The following MBOAT1 variants were observed in gnomAD, a reference collection of about 807,000 sequenced individuals.
The protein encoded by MBOAT1 is membrane-bound glycerophospholipid O-acyltransferase 1.
Under a neutral mutation model 64.4 loss-of-function variants are expected in MBOAT1, and 67 were observed. That is an observed-to-expected ratio of 1.04 (90% CI 0.85 to 1.27). The LOEUF is 1.27. MBOAT1 is among the 50% of genes most tolerant of loss of function. The pLI is 0.00. For synonymous variants in MBOAT1, 229 were observed against 218.9 expected, an observed-to-expected ratio of 1.05 and a Z score of -0.41; for missense variants, 563 against 604.6, an observed-to-expected ratio of 0.93 and a Z score of 0.72.
Position 20,102,270 on chromosome 6 carries a change from G to A in MBOAT1, c.*16C>T, listed in dbSNP as rs751076430. ...AACGTTCTGCAGTTTTGCTTGTTCC[G>A]CTTCTCTTGGAGGTATCAATCTGTT... On this transcript the variant is annotated 3_prime_UTR_variant, in exon 13 of 13. Coordinates refer to ENST00000324607, the MANE Select transcript of MBOAT1 (RefSeq NM_001080480.3). 8.7e-6 allele frequency: 14 copies of A among 1,609,276 alleles called. No individual in the cohort carries two copies. Among genetic ancestry groups the A allele is most frequent in the East Asian group, 2.2e-5 (1 of 44,768 alleles).
chr6:20,164,904 C>A lies in MBOAT1; in HGVS notation c.100-12135G>T, dbSNP rs572498721. Among the ~76,000 whole-genome samples, 396 of 152,270 alleles carry A rather than the reference C, an allele frequency of 2.6e-3. 1 individual carries two copies. Among genetic ancestry groups the A allele is most frequent in the Non-Finnish European group, 4.1e-3 (280 of 68,030 alleles). ...GTTTCACTCTCAGTACAGTATTCAA[C>A]AAATTACATGAGATACTCAACACTT... On this transcript the variant is annotated intron_variant, in intron 1 of 12. Transcript: ENST00000324607.
chr6:20,129,619 T>G (rs540622786), intron 5 of MBOAT1, among the ~76,000 whole-genome samples: 3 of 150,410 alleles, frequency 2.0e-5, no homozygotes, highest in Non-Finnish European at 4.4e-5. Context: ...CCAGGAAATA[T>G]GGTAAACTGA....
intron 1 of MBOAT1, among the ~76,000 whole-genome samples, chr6:20,186,044 A>T (rs1316278725): frequency 6.6e-6 from 1 of 152,154 alleles, no homozygotes; most frequent in Non-Finnish European, 1.5e-5. Context: ...TTAGCCCAGC[A>T]TGGTGGTGTA....
At position 20,144,357 on chromosome 6, in the gene MBOAT1, A is replaced by G. The variant is rs186909975; in HGVS notation, c.324-42T>C. The G allele has an allele frequency of 3.8e-4, 457 of 1,202,480 alleles. 3 individuals are homozygous for G. The African/African-American group carries it at 5.2e-3, about 14-fold the overall frequency. 74.5% of individuals were successfully genotyped at this position (1,202,480 alleles called of 1,614,324 possible). On this transcript the variant is annotated intron_variant, in intron 3 of 12. Transcript: ENST00000324607. ...AGATGATCAGATTATTATGCATAGC[A>G]ATAATGCACTCAATTAATGTTCCCC...
chr6:20,156,671 C>A lies in MBOAT1; in HGVS notation c.100-3902G>T, dbSNP rs180883296. Among the ~76,000 whole-genome samples, 65 of 152,280 alleles carry A rather than the reference C, an allele frequency of 4.3e-4. No homozygotes were observed. The East Asian group carries it at 9.8e-3, about 23-fold the overall frequency. On this transcript the variant is annotated intron_variant, in intron 1 of 12. Transcript: ENST00000324607. The stretch of plus-strand genomic sequence containing the variant: ...AACCAAACAGAAAATAGTAAGTATT[C>A]ACAGAGATGTGAAAACATTTGAACC...
At chr6:20,177,728 C>G (rs867173670) in intron 1 of MBOAT1, among the ~76,000 whole-genome samples, 16 of 146,088 alleles carry the variant, frequency 1.1e-4, no homozygotes, top group Non-Finnish European at 1.6e-4. Flanking sequence ...GAGCCGAGAT[C>G]GTGCCACTGT....
rs1760654669 is a variant in MBOAT1, at chr6:20,126,534, G to A, written c.697C>T (p.Pro233Ser). The change falls in exon 7 of 13, where the codon CCA becomes TCA. Residue 233 changes from proline (P) to serine (S), a missense_variant. Physicochemically the swap from Pro to Ser is moderately conservative, Grantham distance 74 (BLOSUM62 -1). Coordinates refer to ENST00000324607, the MANE Select transcript of MBOAT1 (RefSeq NM_001080480.3). ...NWKRKGFHSLPEPSPTGAVIH... is the reference protein window; with the variant it reads ...NWKRKGFHSLSEPSPTGAVIH... ...AAACTTACTGTGGGAGAAGGTTCTG[G>A]CAAGCTGTGGAAACCTTTTCGCTTC... is the stretch of plus-strand genomic sequence containing the variant. 2 of 1,609,814 alleles carry A rather than the reference G, an allele frequency of 1.2e-6. No homozygotes were observed. Among genetic ancestry groups the A allele is most frequent in the Admixed American group, 1.7e-5 (1 of 58,732 alleles).
intron 1 of MBOAT1, among the ~76,000 whole-genome samples, chr6:20,210,931 G>A (rs1347962372): frequency 1.4e-5 from 2 of 147,100 alleles, no homozygotes; most frequent in Non-Finnish European, 3.0e-5. Context: ...TATTATGTCC[G>A]CCTCTGCCTG....
At chr6:20,205,344 A>G (rs1561788541) in intron 1 of MBOAT1, among the ~76,000 whole-genome samples, 1 of 152,236 alleles carries the variant, frequency 6.6e-6, no homozygotes, top group South Asian at 2.1e-4. Flanking sequence ...TAAGCATTCA[A>G]TGTATGGAGT....
chr6:20,152,354 T>TA (rs1282022205), intron 2 of MBOAT1, among the ~76,000 whole-genome samples: 14 of 52,722 alleles, frequency 2.7e-4, no homozygotes, highest in South Asian at 1.2e-3. Flanking sequence ...AATAAATAAA[T>TA]AAATAAATAA....
chr6:20,162,961 C>G (rs1761905742), intron 1 of MBOAT1, among the ~76,000 whole-genome samples: 1 of 152,174 alleles, frequency 6.6e-6, no homozygotes, highest in South Asian at 2.1e-4. Flanking sequence ...GAGAAAGAGT[C>G]CTTATACACT....
At chr6:20,196,730 G>A (rs1313666028) in intron 1 of MBOAT1, among the ~76,000 whole-genome samples, 1 of 151,924 alleles carries the variant, frequency 6.6e-6, no homozygotes, top group Admixed American at 6.6e-5. Context: ...GCATGATGGT[G>A]CATGTCTGTA....
chr6:20,102,448 TA>T, intron 12 of MBOAT1, 36 bp from the exon 13 acceptor site: 1 of 1,555,304 alleles, frequency 6.4e-7, no homozygotes, highest in South Asian at 1.1e-5. Context: ...ATATTTCAAA[TA>T]AGGATGTAGA....
Position 20,109,901 on chromosome 6 carries a change from A to ATTTTTT in MBOAT1, c.1210-153_1210-152insAAAAAA, listed in dbSNP as rs756853889. On this transcript the variant is annotated intron_variant, in intron 11 of 12. Transcript: ENST00000324607. ...ATTTTCGACTACAAATACCATCAGG[A>ATTTTTT]CTTTTTTTTTTTTTTTTTTTTTTTT... is the stretch of plus-strand genomic sequence containing the variant. 16 of 299,954 alleles carry ATTTTTT rather than the reference A, an allele frequency of 5.3e-5. 1 individual carries two copies. The highest frequency in any genetic ancestry group is 6.8e-5 in the Non-Finnish European group (12 of 176,832). The allele number at this position is 299,954 out of a possible 1,614,324, so 18.6% of individuals were successfully genotyped here. A position where few individuals can be genotyped will look rare whatever the true frequency, so the allele number is the denominator to read the frequency against.
intron 1 of MBOAT1, among the ~76,000 whole-genome samples, chr6:20,181,246 C>T (rs1023835073): frequency 6.6e-6 from 1 of 152,180 alleles, no homozygotes; most frequent in African/African-American, 2.4e-5. Flanking sequence ...GAAGCCCAGG[C>T]CACCTCTGGA....
intron 4 of MBOAT1, among the ~76,000 whole-genome samples, chr6:20,141,270 G>A (rs1761162189): frequency 1.3e-5 from 2 of 152,082 alleles, no homozygotes; most frequent in Non-Finnish European, 1.5e-5. Flanking sequence ...GGGAGCAGAT[G>A]GCAGAAGATA....
rs763631077 is a variant in MBOAT1, at chr6:20,113,002, G to GCA, written c.1081_1082dup (p.Tyr362AlafsTer12). Reference sequence around the variant, plus strand: ...TGGGGTACCATGGAACCCGCTGATAGCACACACTGTGAAGAGAGGAAGGAA... The same window carrying GCA: ...TGGGGTACCATGGAACCCGCTGATAGCACACACACTGTGAAGAGAGGAAGGAA... On this transcript the variant is annotated frameshift_variant, in exon 11 of 13. Transcript: ENST00000324607. LOFTEE classifies it high-confidence loss of function. The GCA allele has an allele frequency of 6.2e-7, 1 of 1,613,404 alleles. No homozygotes were observed.
At chr6:20,175,759 AC>A (rs1762326585) in intron 1 of MBOAT1, among the ~76,000 whole-genome samples, 2 of 151,610 alleles carry the variant, frequency 1.3e-5, no homozygotes, top group Non-Finnish European at 2.9e-5. Flanking sequence ...GGCATGAGCC[AC>A]TGCACCTGGC....
chr6:20,129,529 T>C (rs573688603), intron 5 of MBOAT1, among the ~76,000 whole-genome samples: 1 of 152,078 alleles, frequency 6.6e-6, no homozygotes, highest in South Asian at 2.1e-4. Context: ...GCAGAATATT[T>C]CTGGAATTTA....
Sources: allele counts gnomAD v4.1 joint callset (sites outside exome capture counted in the v4.1 genomes callset), GRCh38; gene constraint gnomAD v4.1.1; transcripts MANE v1.5; gene names NCBI Gene and HGNC (gene_info 2026-07-23, HGNC 2026-07-21).